The following GRIP1 variants were observed in gnomAD, a reference collection of about 807,000 sequenced individuals.
GRIP1 encodes glutamate receptor-interacting protein 1.
GRIP1 carries 45 observed loss-of-function variants against 129.9 expected under a neutral mutation model. That is an observed-to-expected ratio of 0.35 (90% CI 0.27 to 0.44). The LOEUF (loss-of-function observed/expected upper bound fraction) is 0.44. Among genes scored for constraint, GRIP1 ranks in the 20% least tolerant of loss-of-function variants. GRIP1 has a pLI of 1.00. For missense variants in GRIP1, 1,196 were observed against 1,396.8 expected, an observed-to-expected ratio of 0.86 and a Z score of 2.29; for synonymous variants, 530 against 520.8, an observed-to-expected ratio of 1.02 and a Z score of -0.24.
intron 1 of GRIP1, among the ~76,000 whole-genome samples, chr12:66,999,010 G>A (rs938536648): frequency 2.6e-5 from 4 of 151,902 alleles, no homozygotes; most frequent in African/African-American, 7.3e-5. Flanking sequence ...CTCAAAGTAC[G>A]CTTTGCTGAC....
intron 15 of GRIP1, among the ~76,000 whole-genome samples, chr12:66,408,476 C>CA (rs2057276275): frequency 6.6e-6 from 1 of 151,914 alleles, no homozygotes; most frequent in Non-Finnish European, 1.5e-5. Flanking sequence ...GACTCTGTCT[C>CA]AAAAAATAAA....
At chr12:66,391,038 T>A (rs918763919) in intron 19 of GRIP1, among the ~76,000 whole-genome samples, 1 of 152,162 alleles carries the variant, frequency 6.6e-6, no homozygotes, top group African/African-American at 2.4e-5. Context: ...CAGTTTTTTC[T>A]CCCTTCCATT....
intron 1 of GRIP1, among the ~76,000 whole-genome samples, chr12:66,944,373 G>C (rs1051057975): frequency 6.6e-6 from 1 of 152,132 alleles, no homozygotes; most frequent in Non-Finnish European, 1.5e-5. Flanking sequence ...CAGTGTAAAA[G>C]GCTATATGTC....
At chr12:66,424,248 C>T (rs1592833250) in intron 14 of GRIP1, among the ~76,000 whole-genome samples, 3 of 152,214 alleles carry the variant, frequency 2.0e-5, no homozygotes, top group African/African-American at 7.2e-5. Flanking sequence ...TTTCATGCTG[C>T]CTATAGATAT....
intron 24 of GRIP1, among the ~76,000 whole-genome samples, chr12:66,352,997 A>C (rs78280591): frequency 0.015 from 2,282 of 152,284 alleles, 64 homozygotes; most frequent in African/African-American, 0.052. Context: ...GCAAGACAAG[A>C]TGCTGGCAAG....
intron 23 of GRIP1, among the ~76,000 whole-genome samples, chr12:66,355,080 A>G (rs2054416018): frequency 6.6e-6 from 1 of 152,172 alleles, no homozygotes; most frequent in Admixed American, 6.5e-5. Context: ...CACCACTTTC[A>G]GTGTCCTCCT....
intron 1 of GRIP1, among the ~76,000 whole-genome samples, chr12:66,812,672 A>G (rs976025298): frequency 6.6e-6 from 1 of 152,228 alleles, no homozygotes; most frequent in African/African-American, 2.4e-5. Flanking sequence ...GAATGTCTAC[A>G]GCTCTAAGGA....
At chr12:67,043,609 C>G (rs976170937) in intron 1 of GRIP1, among the ~76,000 whole-genome samples, 1 of 152,114 alleles carries the variant, frequency 6.6e-6, no homozygotes, top group Non-Finnish European at 1.5e-5. Flanking sequence ...TTCTTCTACG[C>G]CCCCCATTCT....
intron 3 of GRIP1, 126 bp downstream of exon 3, chr12:66,541,689 G>A (rs973685182): frequency 3.0e-6 from 3 of 986,926 alleles, no homozygotes; most frequent in Admixed American, 1.7e-5. Context: ...TGCTTCTGCT[G>A]GCCTGTGCTG....
At position 66,617,307 on chromosome 12, in the gene GRIP1, A is replaced by G. The variant is rs886755626; in HGVS notation, c.56-20380T>C. ...ACAAGAAAAAAAAAAAAAAAAAAAA[A>G]GATGCTTGCAAGTTACTGCAATGGT... On this transcript the variant is annotated intron_variant, in intron 1 of 24. Transcript: ENST00000359742. Among the ~76,000 whole-genome samples, 73 of 146,778 alleles carry G rather than the reference A, an allele frequency of 5.0e-4. No individual in the cohort carries two copies. The South Asian group carries it at 0.014, about 28-fold the overall frequency.
intron 1 of GRIP1, among the ~76,000 whole-genome samples, chr12:66,793,066 A>G (rs1373181036): frequency 6.6e-6 from 1 of 152,178 alleles, no homozygotes; most frequent in African/African-American, 2.4e-5. Context: ...TAGTTCCTAT[A>G]TAGTTTTCCA....
intron 1 of GRIP1, among the ~76,000 whole-genome samples, chr12:66,817,647 G>A (rs1424349780): frequency 7.2e-5 from 11 of 151,954 alleles, no homozygotes; most frequent in Middle Eastern, 3.4e-3. Context: ...TCCTGACCTC[G>A]GGTGATCCAC....
intron 2 of GRIP1, among the ~76,000 whole-genome samples, chr12:66,579,237 A>G (rs1292164355): frequency 5.3e-5 from 8 of 152,202 alleles, no homozygotes; most frequent in Admixed American, 3.3e-4. Context: ...GAGAAAGGAC[A>G]TCCACACCAA....
At chr12:66,699,736 C>G (rs1453354923) in intron 1 of GRIP1, among the ~76,000 whole-genome samples, 1 of 152,138 alleles carries the variant, frequency 6.6e-6, no homozygotes, top group African/African-American at 2.4e-5. Context: ...ACTAATAAAG[C>G]TGATATTGAA....
intron 1 of GRIP1, among the ~76,000 whole-genome samples, chr12:66,837,312 G>C (rs2039632313): frequency 6.6e-6 from 1 of 152,140 alleles, no homozygotes; most frequent in Non-Finnish European, 1.5e-5. Context: ...ATTAACAAAA[G>C]TATCTAAAAC....
At chr12:66,962,493 T>C (rs1289179601) in intron 1 of GRIP1, among the ~76,000 whole-genome samples, 1 of 151,966 alleles carries the variant, frequency 6.6e-6, no homozygotes. Context: ...GACTAAATAA[T>C]ACTAAAAAGC....
intron 1 of GRIP1, among the ~76,000 whole-genome samples, chr12:66,839,066 T>C (rs2039667925): frequency 6.6e-6 from 1 of 152,132 alleles, no homozygotes; most frequent in Non-Finnish European, 1.5e-5. Context: ...ATACTGAGCA[T>C]TATCATAGCG....
At chr12:66,920,446 G>A (rs2041194024) in intron 1 of GRIP1, among the ~76,000 whole-genome samples, 1 of 152,146 alleles carries the variant, frequency 6.6e-6, no homozygotes, top group African/African-American at 2.4e-5. Flanking sequence ...TCAAGCAGCT[G>A]GATGTTGTGA....
At chr12:66,429,736 G>T (rs548443689) in intron 14 of GRIP1, among the ~76,000 whole-genome samples, 49 of 151,934 alleles carry the variant, frequency 3.2e-4, no homozygotes, top group Non-Finnish European at 6.5e-4. Flanking sequence ...ATTTCAAAAG[G>T]CTCTGTGTGT....
Sources: allele counts gnomAD v4.1 joint callset (sites outside exome capture counted in the v4.1 genomes callset), GRCh38; gene constraint gnomAD v4.1.1; transcripts MANE v1.5; gene names NCBI Gene and HGNC (gene_info 2026-07-23, HGNC 2026-07-21).